The following RD3L variants were observed in gnomAD, a reference collection of about 807,000 sequenced individuals.
RD3L encodes the protein RD3 like, also known as protein RD3-like.
In RD3L, 6 loss-of-function variants were observed where a neutral mutation model predicts 12.5. The observed-to-expected ratio is 0.48, with a 90% CI of 0.26 to 0.95. The LOEUF (loss-of-function observed/expected upper bound fraction) is 0.95, where lower values mean the gene tolerates loss of function less well. RD3L is among the 40% of genes least tolerant of loss of function. RD3L has a pLI of 0.14. For missense variants in RD3L, 234 were observed against 228.6 expected, an observed-to-expected ratio of 1.02 and a Z score of -0.15; for synonymous variants, 87 against 79.3, an observed-to-expected ratio of 1.10 and a Z score of -0.52.
chr14:103,941,263 A>AC, intron 2 of RD3L, 134 bp downstream of exon 2: 1 of 845,628 alleles, frequency 1.2e-6, no homozygotes, highest in Non-Finnish European at 1.7e-6. Flanking sequence ...TTTTAAATGT[A>AC]ATTTAAAACA....
At position 103,941,541 on chromosome 14, in the gene RD3L, T is replaced by G. The variant is rs1566726326; in HGVS notation, c.155A>C (p.Gln52Pro). Residue 52 changes from glutamine (Q) to proline (P), a missense_variant, in exon 2 of 3, where the codon CAA (glutamine) becomes CCA (proline). Coordinates refer to ENST00000557640, the MANE Select transcript of RD3L (RefSeq NM_001257268.2). ...ERLIQEIENEQKVKKTGVDYN... is the reference protein window; with the variant it reads ...ERLIQEIENEPKVKKTGVDYN... ...ATCCACACCTGTTTTTTTCACTTTT[T>G]GTTCATTTTCGATTTCTTGTATTAA... 3.3e-6 allele frequency: 5 copies of G among 1,535,334 alleles called. No homozygotes were observed. In the African/African-American group the frequency reaches 6.8e-5, roughly 21 times the overall value.
Position 103,941,117 on chromosome 14 carries a change from G to C in RD3L, c.300-14C>G. On this transcript the variant is annotated splice_polypyrimidine_tract_variant and intron_variant, in intron 2 of 2. Coordinates refer to ENST00000557640, the MANE Select transcript of RD3L (RefSeq NM_001257268.2). ...ACTTCTCGAAATCTAGAGGGGAAAT[G>C]GTAATGAATATTCAGTTTAGAACAT... 1 of 1,523,606 alleles carries C rather than the reference G, an allele frequency of 6.6e-7. No individual in the cohort carries two copies. The highest frequency in any genetic ancestry group is 2.0e-5 in the Admixed American group (1 of 50,204). 94.4% of individuals were successfully genotyped at this position (1,523,606 alleles called of 1,614,324 possible). A position where few individuals can be genotyped will look rare whatever the true frequency, so the allele number is the denominator to read the frequency against.
chr14:103,941,719 A>G lies in RD3L; in HGVS notation c.-7-17T>C, dbSNP rs2031248337. On this transcript the variant is annotated splice_polypyrimidine_tract_variant and intron_variant, in intron 1 of 2. Transcript: ENST00000557640. The stretch of plus-strand genomic sequence containing the variant: ...ATTTTTAGCCTATGGAAATATTTTC[A>G]CTTGTTTATTTGCTCAAAATGTTAT... The G allele has an allele frequency of 6.9e-7, 1 of 1,458,442 alleles. No homozygotes were observed. Among genetic ancestry groups the G allele is most frequent in the East Asian group, 2.5e-5 (1 of 40,158 alleles). 90.3% of individuals were successfully genotyped at this position (1,458,442 alleles called of 1,614,324 possible). A position where few individuals can be genotyped will look rare whatever the true frequency, so the allele number is the denominator to read the frequency against.
At chr14:103,941,753 G>T (rs2152120133) in intron 1 of RD3L, 51 bp from the exon 2 acceptor site, 3 of 1,289,898 alleles carry the variant, frequency 2.3e-6, no homozygotes, top group South Asian at 1.6e-5. Flanking sequence ...ATGTTCTTCT[G>T]AGCAAATATT....
chr14:103,941,656 A>G lies in RD3L; in HGVS notation c.40T>C (p.Ser14Pro). 1 of 1,530,332 alleles carries G rather than the reference A, an allele frequency of 6.5e-7. No individual in the cohort carries two copies. The highest frequency in any genetic ancestry group is 8.7e-7 in the Non-Finnish European group (1 of 1,144,834). The allele number at this position is 1,530,332 out of a possible 1,614,324, so 94.8% of individuals were successfully genotyped here. A position where few individuals can be genotyped will look rare whatever the true frequency, so the allele number is the denominator to read the frequency against. The change falls in exon 2 of 3, where the codon TCC becomes CCC. Residue 14 changes from serine (S) to proline (P), a missense_variant. Transcript: ENST00000557640. ...CCAGGATAGTGTGTGGGTTTGTAGG[A>G]ATCGTTTTTGGGCCATTTCATCCAG... ...FGWMKWPKND[S>P]YKPTHYPGSD... is the part of the protein sequence containing the mutation.
In RD3L at chr14:103,940,829, G is replaced by A. The variant is rs1156917146; in HGVS notation, c.574C>T (p.Pro192Ser). 5.9e-6 allele frequency: 9 copies of A among 1,534,910 alleles called. No individual in the cohort carries two copies. In the Admixed American group the frequency reaches 9.8e-5, roughly 17 times the overall value. Reference protein sequence around the residue: ...PVFSHRIWNLPYYHPSS With the variant: ...PVFSHRIWNLSYYHPSS Reference sequence around the variant, plus strand: ...ACTTAACTAGATGGGTGATAATATGGTAGGTTCCATATTCTGTGTGAGAAC... The same window carrying A: ...ACTTAACTAGATGGGTGATAATATGATAGGTTCCATATTCTGTGTGAGAAC... Residue 192 changes from proline to serine, a missense_variant, in exon 3 of 3, where the codon CCA becomes TCA. By Grantham distance (74) the Pro-to-Ser change is moderately conservative (BLOSUM62 -1). Transcript: ENST00000557640.
At chr14:103,941,950 A>G (rs916781886) in intron 1 of RD3L, 142 bp downstream of exon 1, 5 of 457,008 alleles carry the variant, frequency 1.1e-5, no homozygotes, top group African/African-American at 4.1e-5. Flanking sequence ...CAGAGATAAC[A>G]TATAGACTGA....
intron 1 of RD3L, 134 bp downstream of exon 1, chr14:103,941,958 T>C (rs2031262489): frequency 4.8e-6 from 2 of 420,260 alleles, no homozygotes; most frequent in Non-Finnish European, 8.4e-6. Flanking sequence ...ACATATAGAC[T>C]GAATGATATC....
rs2031232647 is a variant in RD3L at position 103,941,528 on chromosome 14, T to G, written c.168A>C (p.Lys56Asn). ...QEIENEQKVK[K>N]TGVDYNWLRN... is the part of the protein sequence containing the mutation. ...TGAGCCAGTTGTAATCCACACCTGT[T>G]TTTTTCACTTTTTGTTCATTTTCGA... The change falls in exon 2 of 3, where the codon AAA becomes AAC. Residue 56 changes from lysine to asparagine, a missense_variant. Lys to Asn is a moderately conservative substitution (Grantham distance 94, BLOSUM62 0). Transcript: ENST00000557640. 2 of 1,535,302 alleles carry G rather than the reference T, an allele frequency of 1.3e-6. No individual in the cohort carries two copies. The highest frequency in any genetic ancestry group is 8.7e-7 in the Non-Finnish European group (1 of 1,146,712).
Position 103,941,572 on chromosome 14 carries a change from C to G in RD3L, c.124G>C (p.Glu42Gln), listed in dbSNP as rs951410314. 6 of 1,535,192 alleles carry G rather than the reference C, an allele frequency of 3.9e-6. No individual in the cohort carries two copies. In the African/African-American group the frequency reaches 8.2e-5, roughly 21 times the overall value. The change falls in exon 2 of 3, where the codon GAG becomes CAG. Residue 42 changes from glutamate to glutamine, a missense_variant. Physicochemically the swap from Glu to Gln is conservative, Grantham distance 29. Coordinates refer to ENST00000557640, the MANE Select transcript of RD3L (RefSeq NM_001257268.2). ...TTTTCGATTTCTTGTATTAATCTCTCTCGCTCCTTTAGGTGCCATTTTAAT... is the reference window on the plus strand; with the variant it reads ...TTTTCGATTTCTTGTATTAATCTCTGTCGCTCCTTTAGGTGCCATTTTAAT... ...RELKWHLKER[E>Q]RLIQEIENEQ... is the part of the protein sequence containing the mutation.
chr14:103,941,535 A>G lies in RD3L; in HGVS notation c.161T>C (p.Val54Ala). The change falls in exon 2 of 3, where the codon GTG becomes GCG. Residue 54 changes from valine (V) to alanine (A), a missense_variant. Transcript: ENST00000557640. ...LIQEIENEQK[V>A]KKTGVDYNWL... ...GTTGTAATCCACACCTGTTTTTTTC[A>G]CTTTTTGTTCATTTTCGATTTCTTG... 2.6e-6 allele frequency: 4 copies of G among 1,535,024 alleles called. No homozygotes were observed. The highest frequency in any genetic ancestry group is 1.2e-5 in the South Asian group (1 of 84,038).
At position 103,940,673 on chromosome 14, in the gene RD3L, A is replaced by G; in HGVS notation, c.*133T>C. 1.6e-6 allele frequency: 1 copy of G among 610,798 alleles called. No homozygotes were observed. The highest frequency in any genetic ancestry group is 2.2e-5 in the South Asian group (1 of 45,368). 37.8% of individuals were successfully genotyped at this position (610,798 alleles called of 1,614,324 possible). On this transcript the variant is annotated 3_prime_UTR_variant, in exon 3 of 3. Coordinates refer to ENST00000557640, the MANE Select transcript of RD3L (RefSeq NM_001257268.2). ...TTAGAGTGGTTAAAAAAAGAACACT[A>G]TTTAAAACATAGGCTACATCCACAG... is the stretch of plus-strand genomic sequence containing the variant.
rs2031255644 is a variant in RD3L at position 103,941,827 on chromosome 14, T to G, written c.-7-125A>C. The G allele has an allele frequency of 9.0e-6, 6 of 663,462 alleles. No homozygotes were observed. In the South Asian group the frequency reaches 1.2e-4, roughly 14 times the overall value. 41.1% of individuals were successfully genotyped at this position (663,462 alleles called of 1,614,324 possible). A position where few individuals can be genotyped will look rare whatever the true frequency, so the allele number is the denominator to read the frequency against. ...TTTTTTTCACATTTAGCTATGCAGGTCAAAATAAGATTAGAACATGGATTA... is the reference window on the plus strand; with the variant it reads ...TTTTTTTCACATTTAGCTATGCAGGGCAAAATAAGATTAGAACATGGATTA... On this transcript the variant is annotated intron_variant, in intron 1 of 2. Transcript: ENST00000557640.
rs556985853 is a variant in RD3L, at chr14:103,942,078, G to T, written c.-8+14C>A. The T allele has an allele frequency of 4.2e-5, 8 of 190,256 alleles. No individual in the cohort carries two copies. The South Asian group carries it at 7.7e-4, about 18-fold the overall frequency. 11.8% of individuals were successfully genotyped at this position (190,256 alleles called of 1,614,324 possible). A position where few individuals can be genotyped will look rare whatever the true frequency, so the allele number is the denominator to read the frequency against. On this transcript the variant is annotated intron_variant, in intron 1 of 2. Coordinates refer to ENST00000557640, the MANE Select transcript of RD3L (RefSeq NM_001257268.2). The stretch of plus-strand genomic sequence containing the variant: ...TTTGATTTATGTTTTGGACAGAAAA[G>T]GTTTAAAGCTTACCTGTTAAGTTGA...
intron 1 of RD3L, 150 bp from the exon 2 acceptor site, chr14:103,941,852 A>G (rs1445126899): frequency 3.2e-6 from 2 of 615,558 alleles, no homozygotes; most frequent in African/African-American, 3.7e-5. Flanking sequence ...AACATGGATT[A>G]ACGTCTTAAT....
chr14:103,941,797 A>C (rs1423278927), intron 1 of RD3L, 95 bp from the exon 2 acceptor site: 1 of 899,260 alleles, frequency 1.1e-6, no homozygotes, highest in African/African-American at 1.7e-5. Flanking sequence ...CGAAAAGTGC[A>C]CGATTTTTTT....
chr14:103,941,817 G>T, intron 1 of RD3L, 115 bp from the exon 2 acceptor site: 2 of 703,284 alleles, frequency 2.8e-6, no homozygotes, highest in Non-Finnish European at 4.6e-6. Flanking sequence ...TTCACATTTA[G>T]CTATGCAGGT....
At position 103,941,405 on chromosome 14, in the gene RD3L, A is replaced by G; in HGVS notation, c.291T>C (p.Ile97=). Residue 97 remains isoleucine, a synonymous_variant, in exon 2 of 3, where the codon ATT becomes ATC. Transcript: ENST00000557640. ...GAACATAGTATTTTTACCTGCTGAGAATAGTTCCAGTTTGGCAAGGTTGAA... is the reference window on the plus strand; with the variant it reads ...GAACATAGTATTTTTACCTGCTGAGGATAGTTCCAGTTTGGCAAGGTTGAA... ...SQVQPCQTGT[I]LSRFREVLAE... 7.2e-6 allele frequency: 11 copies of G among 1,534,238 alleles called. No individual in the cohort carries two copies. Among genetic ancestry groups the G allele is most frequent in the Non-Finnish European group, 9.6e-6 (11 of 1,145,966 alleles).
Position 103,940,823 on chromosome 14 carries a change from A to G in RD3L, c.580T>C (p.Tyr194His). 1 of 1,534,908 alleles carries G rather than the reference A, an allele frequency of 6.5e-7. No individual in the cohort carries two copies. The highest frequency in any genetic ancestry group is 8.7e-7 in the Non-Finnish European group (1 of 1,146,230). ...FSHRIWNLPY[Y>H]HPSS ...TAAGTAACTTAACTAGATGGGTGAT[A>G]ATATGGTAGGTTCCATATTCTGTGT... is the stretch of plus-strand genomic sequence containing the variant. The change falls in exon 3 of 3, where the codon TAT becomes CAT. Residue 194 changes from tyrosine to histidine, a missense_variant. Transcript: ENST00000557640.
Sources: gnomAD v4.1 joint callset for allele counts on GRCh38, gnomAD v4.1.1 for gene constraint, MANE v1.5 for transcripts, NCBI Gene and HGNC (gene_info 2026-07-23, HGNC 2026-07-21) for gene names.